GAS7: variants seen among roughly 807,000 people sequenced by gnomAD.
GAS7 encodes the protein growth arrest-specific protein 7.
GAS7 carries 28 observed loss-of-function variants against 71.1 expected under a neutral mutation model. The ratio of observed to expected loss-of-function variants is 0.39; its 90% CI spans 0.29 to 0.54. The LOEUF (loss-of-function observed/expected upper bound fraction) is 0.54. GAS7 is among the 20% of genes least tolerant of loss of function. The pLI, the probability that GAS7 is intolerant of heterozygous loss-of-function variation, is 0.62. For synonymous variants in GAS7, 258 were observed against 245.8 expected (o/e 1.05, Z -0.46); for missense variants, 436 against 627.8 (o/e 0.69, Z 3.27).
intron 1 of GAS7, among the ~76,000 whole-genome samples, chr17:10,119,887 C>T (rs2073890858): frequency 6.6e-6 from 1 of 152,148 alleles, no homozygotes; most frequent in Admixed American, 6.5e-5. Context: ...ATTCTCACGC[C>T]CAGAGCCAGG....
intron 8 of GAS7, among the ~76,000 whole-genome samples, 175 bp downstream of exon 8, chr17:9,939,951 G>A (rs1373434555): frequency 6.6e-6 from 1 of 152,104 alleles, no homozygotes; most frequent in African/African-American, 2.4e-5. Context: ...TGAGTCATGG[G>A]TGCCCACCCA....
chr17:9,954,153 C>A (rs900899843), intron 5 of GAS7, among the ~76,000 whole-genome samples: 35 of 152,168 alleles, frequency 2.3e-4, no homozygotes, highest in African/African-American at 7.5e-4. Flanking sequence ...ATATGCCCTA[C>A]AGGTGGGGAC....
At chr17:10,024,893 T>G (rs1445024409) in intron 1 of GAS7, among the ~76,000 whole-genome samples, 1 of 152,162 alleles carries the variant, frequency 6.6e-6, no homozygotes, top group African/African-American at 2.4e-5. Flanking sequence ...TGAGCCCAGG[T>G]CCATCTGTAC....
chr17:10,184,923 CTCT>C (rs1188240245), intron 1 of GAS7, among the ~76,000 whole-genome samples: 1 of 107,686 alleles, frequency 9.3e-6, no homozygotes, highest in Non-Finnish European at 1.8e-5. Flanking sequence ...TCTATAAAAA[CTCT>C]TTTTTTTTTT....
intron 1 of GAS7, chr17:10,036,775 CCT>C (rs753203610): frequency 1.1e-5 from 13 of 1,166,038 alleles, no homozygotes; most frequent in Non-Finnish European, 1.4e-5. Context: ...TCCCACTCTC[CCT>C]CTTTTTCCCC....
chr17:10,098,153 C>G (rs963649068), intron 1 of GAS7, among the ~76,000 whole-genome samples: 2 of 152,206 alleles, frequency 1.3e-5, no homozygotes, highest in African/African-American at 4.8e-5. Flanking sequence ...CTTATGCCAC[C>G]CTTTTCTTCT....
At chr17:10,040,833 T>C (rs1248305686) in intron 1 of GAS7, among the ~76,000 whole-genome samples, 1 of 152,070 alleles carries the variant, frequency 6.6e-6, no homozygotes, top group Non-Finnish European at 1.5e-5. Flanking sequence ...ACCAAGATAC[T>C]TTTCTGTTCT....
chr17:10,058,700 T>A (rs2073181429), intron 1 of GAS7, among the ~76,000 whole-genome samples: 1 of 152,214 alleles, frequency 6.6e-6, no homozygotes, highest in East Asian at 1.9e-4. Flanking sequence ...CAACCCACTC[T>A]GCTCTCAGAC....
chr17:10,022,914 C>G (rs1020710142), intron 1 of GAS7, among the ~76,000 whole-genome samples: 1 of 152,216 alleles, frequency 6.6e-6, no homozygotes, highest in East Asian at 1.9e-4. Context: ...GGTGAGAGGG[C>G]TGGGCAGTGA....
At chr17:9,944,727 C>T (rs981936854) in intron 6 of GAS7, among the ~76,000 whole-genome samples, 2 of 152,188 alleles carry the variant, frequency 1.3e-5, no homozygotes, top group East Asian at 3.9e-4. Flanking sequence ...TCGGGCTGTT[C>T]TTGCAGTTTA....
chr17:10,008,783 T>TCA (rs1481930568), intron 2 of GAS7, among the ~76,000 whole-genome samples: 2 of 152,026 alleles, frequency 1.3e-5, no homozygotes, highest in African/African-American at 2.4e-5. Flanking sequence ...TCTCTCTCTC[T>TCA]CTCACACACA....
chr17:10,163,360 C>T (rs2074270434), intron 1 of GAS7, among the ~76,000 whole-genome samples: 1 of 151,506 alleles, frequency 6.6e-6, no homozygotes, highest in Admixed American at 6.6e-5. Context: ...TCCTGACCTC[C>T]AGTGATCCGC....
chr17:10,171,656 C>A (rs902161752), intron 1 of GAS7, among the ~76,000 whole-genome samples: 2 of 152,204 alleles, frequency 1.3e-5, no homozygotes, highest in African/African-American at 4.8e-5. Flanking sequence ...TGCTTCTTAT[C>A]TGCCATAAAA....
intron 1 of GAS7, among the ~76,000 whole-genome samples, chr17:10,096,505 T>C (rs957971438): frequency 2.0e-5 from 3 of 152,246 alleles, no homozygotes; most frequent in Non-Finnish European, 2.9e-5. Context: ...CACTTGGGCC[T>C]GCATACCCCA....
In GAS7 at chr17:9,943,340, A is replaced by C. The variant is rs995788949; in HGVS notation, c.616-104T>G. 5 of 725,360 alleles carry C rather than the reference A, an allele frequency of 6.9e-6. No homozygotes were observed. The African/African-American group carries it at 8.7e-5, about 13-fold the overall frequency. 44.9% of individuals were successfully genotyped at this position (725,360 alleles called of 1,614,324 possible). A position where few individuals can be genotyped will look rare whatever the true frequency, so the allele number is the denominator to read the frequency against. On this transcript the variant is annotated intron_variant, in intron 6 of 13. Coordinates refer to ENST00000432992, the MANE Select transcript of GAS7 (RefSeq NM_201433.2). The stretch of plus-strand genomic sequence containing the variant: ...GCTCCTAGATGTGCCTGGCAATCCC[A>C]GTCCAGCACAAGACGCGGGAGCAGC...
In GAS7 at chr17:9,958,634, C is replaced by G. The variant is rs2069343648; in HGVS notation, c.525+568G>C. Among the ~76,000 whole-genome samples, 5 of 144,464 alleles carry G rather than the reference C, an allele frequency of 3.5e-5. No individual in the cohort carries two copies. The South Asian group carries it at 1.3e-3, about 37-fold the overall frequency. The allele number at this position is 144,464 out of a possible 152,430, so 94.8% of individuals were successfully genotyped here. A position where few individuals can be genotyped will look rare whatever the true frequency, so the allele number is the denominator to read the frequency against. ...GGAGCAGAGGTGGAGTGTGGGGCTCCCCTTCATCTCTGCATGGGGGTGGGT... is the reference window on the plus strand; with the variant it reads ...GGAGCAGAGGTGGAGTGTGGGGCTCGCCTTCATCTCTGCATGGGGGTGGGT... On this transcript the variant is annotated intron_variant, in intron 5 of 13. Coordinates refer to ENST00000432992, the MANE Select transcript of GAS7 (RefSeq NM_201433.2).
chr17:10,047,170 AG>A (rs2072988537), intron 1 of GAS7, among the ~76,000 whole-genome samples: 2 of 152,298 alleles, frequency 1.3e-5, no homozygotes, highest in South Asian at 4.1e-4. Flanking sequence ...GGGGCGTGGG[AG>A]GGGTGCTCAC....
At chr17:9,995,012 G>A (rs1393721388) in intron 2 of GAS7, among the ~76,000 whole-genome samples, 2 of 152,184 alleles carry the variant, frequency 1.3e-5, no homozygotes, top group Non-Finnish European at 2.9e-5. Flanking sequence ...GAGTCCAGGT[G>A]GCCTAACAGT....
At chr17:10,187,641 TGACA>T (rs769794558) in intron 1 of GAS7, among the ~76,000 whole-genome samples, 6 of 152,174 alleles carry the variant, frequency 3.9e-5, no homozygotes, top group Non-Finnish European at 7.3e-5. Context: ...TGCCACAAGG[TGACA>T]GACAGACAGT....
Sources: allele counts gnomAD v4.1 joint callset (sites outside exome capture counted in the v4.1 genomes callset), GRCh38; gene constraint gnomAD v4.1.1; transcripts MANE v1.5; gene names NCBI Gene and HGNC (gene_info 2026-07-23, HGNC 2026-07-21).